The following NFIB variants were observed in gnomAD, a reference collection of about 807,000 sequenced individuals.
NFIB encodes nuclear factor I B, also known as nuclear factor 1 B-type.
NFIB carries 11 observed loss-of-function variants against 61.5 expected under a neutral mutation model. That is an observed-to-expected ratio of 0.18 (90% CI 0.11 to 0.30). The LOEUF is 0.30. NFIB is among the 10% of genes least tolerant of loss of function. The pLI is 1.00. For synonymous variants in NFIB, 260 were observed against 216.5 expected (o/e 1.20, Z -1.76); for missense variants, 471 against 608.9 (o/e 0.77, Z 2.38).
the NFIB span, among the ~76,000 whole-genome samples, chr9:14,418,282 C>T: frequency 6.6e-6 from 1 of 152,190 alleles, no homozygotes; most frequent in Non-Finnish European, 1.5e-5. Flanking sequence ...AAAAGCATCT[C>T]ACAGCCCCCT....
intron 2 of NFIB, among the ~76,000 whole-genome samples, chr9:14,244,360 C>CA (rs2054664340): frequency 6.6e-6 from 1 of 152,056 alleles, no homozygotes; most frequent in Admixed American, 6.6e-5. Context: ...TACCATATAC[C>CA]AGTGCAGTCA....
the NFIB span, among the ~76,000 whole-genome samples, chr9:14,431,734 T>C: frequency 1.3e-5 from 2 of 152,036 alleles, no homozygotes; most frequent in African/African-American, 4.8e-5. Context: ...CCTAGCTAAG[T>C]TGGGAGCACT....
rs2061331355 is a variant in NFIB at position 14,369,102 on chromosome 9, T to A, written c.108+29422A>T. ...TAAGCTCTTTGAGGGTAGGGTTTAT[T>A]TATCATTATATTCCCAGACCCCAGA... On this transcript the variant is annotated intron_variant, in intron 1 of 8. Coordinates refer to the NFIB transcript ENST00000380934. 2.6e-5 allele frequency among the ~76,000 whole-genome samples: 4 copies of A among 152,182 alleles called. No individual in the cohort carries two copies. In the South Asian group the frequency reaches 8.3e-4, roughly 32 times the overall value.
chr9:14,230,945 A>G (rs968008972), intron 2 of NFIB, among the ~76,000 whole-genome samples: 1 of 150,990 alleles, frequency 6.6e-6, no homozygotes, highest in African/African-American at 2.4e-5. Flanking sequence ...AGGCAGTGGC[A>G]TGTGGATTCT....
chr9:14,456,354 A>G, the NFIB span, among the ~76,000 whole-genome samples: 6 of 152,138 alleles, frequency 3.9e-5, no homozygotes, highest in Non-Finnish European at 7.4e-5. Context: ...ACTACTTAAT[A>G]ATAAAGTTTT....
At chr9:14,481,541 C>T in the NFIB span, among the ~76,000 whole-genome samples, 5 of 151,958 alleles carry the variant, frequency 3.3e-5, no homozygotes, top group Non-Finnish European at 7.4e-5. Flanking sequence ...AATAAGCTTT[C>T]GGCCTTTCTC....
intron 3 of NFIB, among the ~76,000 whole-genome samples, chr9:14,179,106 T>C (rs1054583565): frequency 1.3e-5 from 2 of 152,162 alleles, no homozygotes; most frequent in East Asian, 1.9e-4. Flanking sequence ...CAAAATGTTG[T>C]ATGTTCAGAG....
At chr9:14,143,944 T>C (rs1369834092) in intron 6 of NFIB, among the ~76,000 whole-genome samples, 1 of 151,410 alleles carries the variant, frequency 6.6e-6, no homozygotes, top group Non-Finnish European at 1.5e-5. Context: ...CAATGGCTTA[T>C]TGTGCACATT....
chr9:14,320,312 C>T (rs2060632165), intron 1 of NFIB, among the ~76,000 whole-genome samples: 1 of 152,206 alleles, frequency 6.6e-6, no homozygotes, highest in Non-Finnish European at 1.5e-5. Flanking sequence ...GCAGTCCCAA[C>T]CACCGATGAT....
chr9:14,363,137 C>T (rs546045903), intron 1 of NFIB, among the ~76,000 whole-genome samples: 1 of 152,210 alleles, frequency 6.6e-6, no homozygotes, highest in East Asian at 1.9e-4. Flanking sequence ...AGAGAAGTTG[C>T]ACCAAATTTT....
exon 1 of NFIB, chr9:14,398,555 T>A: frequency 6.5e-7 from 1 of 1,535,410 alleles, no homozygotes; most frequent in South Asian, 1.2e-5. Context: ...TGACATTCTT[T>A]TAGGAATCCC....
At chr9:14,188,396 G>C (rs1335239071) in intron 2 of NFIB, among the ~76,000 whole-genome samples, 1 of 152,112 alleles carries the variant, frequency 6.6e-6, no homozygotes, top group Admixed American at 6.6e-5. Context: ...TAAATACAGA[G>C]GCAAGGGTGC....
intron 2 of NFIB, among the ~76,000 whole-genome samples, chr9:14,212,463 A>G (rs2131735083): frequency 1.3e-5 from 2 of 152,314 alleles, no homozygotes; most frequent in African/African-American, 4.8e-5. Context: ...TATCCCTACT[A>G]AAAATAAAAA....
At chr9:14,344,742 G>T (rs2060998826) in intron 1 of NFIB, among the ~76,000 whole-genome samples, 1 of 150,930 alleles carries the variant, frequency 6.6e-6, no homozygotes, top group South Asian at 2.1e-4. Flanking sequence ...TGCCAAGACT[G>T]CAGGGTAAAG....
chr9:14,111,100 T>C (rs1180097860), intron 10 of NFIB, among the ~76,000 whole-genome samples: 1 of 152,136 alleles, frequency 6.6e-6, no homozygotes, highest in Non-Finnish European at 1.5e-5. Context: ...CTTAAATAAG[T>C]GGCTGTCTTC....
intron 2 of NFIB, 150 bp downstream of exon 2, chr9:14,306,839 T>A (rs772383336): frequency 5.6e-5 from 48 of 860,154 alleles, no homozygotes; most frequent in Non-Finnish European, 8.0e-5. Context: ...GCAGCGGACA[T>A]GTGAGTGAAA....
chr9:14,456,531 A>C, the NFIB span, among the ~76,000 whole-genome samples: 3 of 152,210 alleles, frequency 2.0e-5, no homozygotes, highest in African/African-American at 7.2e-5. Context: ...AAAATAAAAT[A>C]TCAACACATA....
chr9:14,094,689 T>C (rs2034509145), intron 10 of NFIB, among the ~76,000 whole-genome samples: 1 of 152,066 alleles, frequency 6.6e-6, no homozygotes, highest in Non-Finnish European at 1.5e-5. Flanking sequence ...CCAAATATCA[T>C]AAACTGCAGG....
At chr9:14,321,874 G>C in intron 1 of NFIB, 1 of 1,230,846 alleles carries the variant, frequency 8.1e-7, no homozygotes, top group Non-Finnish European at 1.0e-6. Context: ...ACTGTGCCAG[G>C]GATAGGAGGG....
Sources: gnomAD v4.1 joint callset for allele counts (sites outside exome capture counted in the v4.1 genomes callset) on GRCh38, gnomAD v4.1.1 for gene constraint, MANE v1.5 for transcripts, NCBI Gene and HGNC (gene_info 2026-07-23, HGNC 2026-07-21) for gene names.